Variants in PRKCSH observed in about 807,000 individuals in gnomAD.
PRKCSH encodes PRKCSH beta subunit of glucosidase II, also known as glucosidase 2 subunit beta.
Under a neutral mutation model 79.7 loss-of-function variants are expected in PRKCSH, and 42 were observed. The observed-to-expected ratio is 0.53, with a 90% confidence interval of 0.41 to 0.68. PRKCSH has a LOEUF of 0.68. PRKCSH is among the 30% of genes least tolerant of loss of function. The pLI, the probability that PRKCSH is intolerant of heterozygous loss-of-function variation, is 0.00. For missense variants in PRKCSH, 686 were observed against 709.0 expected, an observed-to-expected ratio of 0.97 and a Z score of 0.37; for synonymous variants, 325 against 288.2, an observed-to-expected ratio of 1.13 and a Z score of -1.29.
intron 1 of PRKCSH, 136 bp downstream of exon 1, chr19:11,435,842 C>G: frequency 1.6e-6 from 2 of 1,241,040 alleles, no homozygotes; most frequent in South Asian, 1.4e-5. Context: ...CAATTGGGCA[C>G]AGGGAGCGGA....
intron 8 of PRKCSH, 86 bp downstream of exon 8, chr19:11,445,559 A>G: frequency 7.4e-7 from 1 of 1,356,470 alleles, no homozygotes. Context: ...AACCAGCCAG[A>G]TCCTCCTTGG....
At chr19:11,442,235 A>G (rs755401838) in intron 6 of PRKCSH, 151 bp from the exon 7 acceptor site, 10 of 1,163,712 alleles carry the variant, frequency 8.6e-6, no homozygotes, top group Non-Finnish European at 1.2e-5. Flanking sequence ...CCAGAGGGCT[A>G]CAGGGAACCC....
chr19:11,444,227 T>G (rs771112146), intron 7 of PRKCSH, among the ~76,000 whole-genome samples: 1 of 152,194 alleles, frequency 6.6e-6, no homozygotes, highest in Non-Finnish European at 1.5e-5. Flanking sequence ...TTCCTTTCAC[T>G]TGGGTCTGGG....
chr19:11,436,410 C>G lies in PRKCSH; in HGVS notation c.101C>G (p.Ser34Cys). 6.2e-7 allele frequency: 1 copy of G among 1,614,190 alleles called. No individual in the cohort carries two copies. Among genetic ancestry groups the G allele is most frequent in the Non-Finnish European group, 8.5e-7 (1 of 1,180,036 alleles). The change falls in exon 3 of 18, where the codon TCC (serine) becomes TGC (cysteine). Residue 34 changes from serine to cysteine, a missense_variant. This residue lies in a region of PRKCSH where 549 missense variants were observed against 520.2 expected (regional missense o/e 1.06). Transcript: ENST00000677123. ...GCAGATCATCACTTCTACGATGAGT[C>G]CAAGCCTTTCACCTGCCTGGACGGT... is the stretch of plus-strand genomic sequence containing the variant. ...SLTNHHFYDE[S>C]KPFTCLDGSA...
In PRKCSH at chr19:11,449,532, T is replaced by C. The variant is rs755000; in HGVS notation, c.*16+104T>C. 5 of 1,471,730 alleles carry C rather than the reference T, an allele frequency of 3.4e-6. No homozygotes were observed. The highest frequency in any genetic ancestry group is 4.7e-6 in the Non-Finnish European group (5 of 1,069,704). The allele number at this position is 1,471,730 out of a possible 1,614,324, so 91.2% of individuals were successfully genotyped here. On this transcript the variant is annotated intron_variant, in intron 17 of 17. Transcript: ENST00000677123. The surrounding 1 kb of genome is among the most constrained non-coding windows in gnomAD (Gnocchi z 6.4). ...GCCACTCTATCAACCTGTGTCCCCA[T>C]GTTCCCTGCTTTTTTGTTTTGTTTT...
In PRKCSH at chr19:11,447,785, C is replaced by A; in HGVS notation, c.1122C>A (p.Ile374=). Residue 374 remains isoleucine, a synonymous_variant, in exon 12 of 18, where the codon ATC becomes ATA. Coordinates refer to ENST00000677123, the MANE Select transcript of PRKCSH (RefSeq NM_001289104.2). The surrounding 1 kb of genome is among the most constrained non-coding windows in gnomAD (Gnocchi z 5.6). Reference sequence around the variant, plus strand: ...ACGACGAGCAGACGCAGGCCTTCATCGATGGTGAGGGTGGGCGGGGGCCAG... The same window carrying A: ...ACGACGAGCAGACGCAGGCCTTCATAGATGGTGAGGGTGGGCGGGGGCCAG... ...PPYDEQTQAF[I]DAAQEARNKF... 1 of 1,574,234 alleles carries A rather than the reference C, an allele frequency of 6.4e-7. No homozygotes were observed.
At chr19:11,446,599 TC>T (rs1402134155) in intron 9 of PRKCSH, among the ~76,000 whole-genome samples, 1 of 95,982 alleles carries the variant, frequency 1.0e-5, no homozygotes, top group East Asian at 2.9e-4. Context: ...ATCCCCTTCC[TC>T]CCCCACCCCT....
intron 9 of PRKCSH, 126 bp from the exon 10 acceptor site, chr19:11,446,948 C>G: frequency 1.0e-6 from 1 of 996,398 alleles, no homozygotes; most frequent in South Asian, 1.3e-5. Context: ...TGGCGTGGCC[C>G]TGGCCTGGTC....
At position 11,445,403 on chromosome 19, in the gene PRKCSH, G is replaced by C; in HGVS notation, c.613G>C (p.Ala205Pro). 2 of 1,613,926 alleles carry C rather than the reference G, an allele frequency of 1.2e-6. No homozygotes were observed. The highest frequency in any genetic ancestry group is 2.2e-5 in the South Asian group (2 of 91,088). ...QKLWEEQLAA[A>P]KAQQEQELAA... ...CTTCTTTACAGAGCAGCTGGCTGCT[G>C]CCAAGGCCCAACAGGAGCAGGAGCT... The change falls in exon 8 of 18, where the codon GCC becomes CCC. Residue 205 changes from alanine to proline, a missense_variant. Around this residue, in one of 2 missense-constraint regions of PRKCSH, gnomAD observed 549 missense variants for 520.2 expected, o/e 1.06. Coordinates refer to ENST00000677123, the MANE Select transcript of PRKCSH (RefSeq NM_001289104.2).
Position 11,448,173 on chromosome 19 carries a change from C to A in PRKCSH, c.1127-49C>A. The A allele has an allele frequency of 6.5e-7, 1 of 1,527,476 alleles. No homozygotes were observed. The highest frequency in any genetic ancestry group is 1.2e-5 in the South Asian group (1 of 83,456). The allele number at this position is 1,527,476 out of a possible 1,614,324, so 94.6% of individuals were successfully genotyped here. On this transcript the variant is annotated intron_variant, in intron 12 of 17. Transcript: ENST00000677123. This position sits in a 1 kb window ranked among gnomAD's most constrained non-coding sequence, Gnocchi z 4.4. ...ACATCCATGGAACCCCGTTCCCCATCCTCCTGGATGGGGTTGAGGACATCT... is the reference window on the plus strand; with the variant it reads ...ACATCCATGGAACCCCGTTCCCCATACTCCTGGATGGGGTTGAGGACATCT...
intron 1 of PRKCSH, 138 bp from the exon 2 acceptor site, chr19:11,435,903 G>T: frequency 1.1e-6 from 1 of 932,932 alleles, no homozygotes; most frequent in Non-Finnish European, 1.6e-6. Context: ...AGTGAGACTG[G>T]CCAGGATTGG....
At chr19:11,438,787 CAGA>C (rs983241185) in intron 5 of PRKCSH, among the ~76,000 whole-genome samples, 7 of 150,130 alleles carry the variant, frequency 4.7e-5, no homozygotes, top group Admixed American at 6.6e-5. Flanking sequence ...AAGCATACAA[CAGA>C]AGGAGGCCAA....
rs780202665 is a variant in PRKCSH, at chr19:11,445,501, A to G, written c.683+28A>G. On this transcript the variant is annotated intron_variant, in intron 8 of 17. Coordinates refer to ENST00000677123, the MANE Select transcript of PRKCSH (RefSeq NM_001289104.2). ...GAGTGTCCCCTAGTTGGAGCTGCCC[A>G]CCTTTCCGTGGGCCTGGGTTTCCCT... The G allele has an allele frequency of 1.9e-5, 31 of 1,607,192 alleles. No homozygotes were observed. The South Asian group carries it at 3.0e-4, about 15-fold the overall frequency.
At chr19:11,440,775 A>T (rs1398724766) in intron 5 of PRKCSH, among the ~76,000 whole-genome samples, 1 of 151,880 alleles carries the variant, frequency 6.6e-6, no homozygotes, top group East Asian at 1.9e-4. Context: ...TAGTAACCAG[A>T]TTGTCTTTTT....
Position 11,447,343 on chromosome 19 carries a change from C to G in PRKCSH, c.850-96C>G. On this transcript the variant is annotated intron_variant, in intron 10 of 17. Transcript: ENST00000677123. The surrounding 1 kb of genome is among the most constrained non-coding windows in gnomAD (Gnocchi z 5.6). Reference sequence around the variant, plus strand: ...CTCCCTGCAGGCCCCGCAGGAGGGGCAGAGACACCGAGGCTGCCCCTTGGG... The same window carrying G: ...CTCCCTGCAGGCCCCGCAGGAGGGGGAGAGACACCGAGGCTGCCCCTTGGG... The G allele has an allele frequency of 1.4e-6, 2 of 1,433,818 alleles. No homozygotes were observed. Among genetic ancestry groups the G allele is most frequent in the African/African-American group, 2.8e-5 (2 of 71,338 alleles). 88.8% of individuals were successfully genotyped at this position (1,433,818 alleles called of 1,614,324 possible).
At position 11,448,044 on chromosome 19, in the gene PRKCSH, G is replaced by A; in HGVS notation, c.1127-178G>A. The stretch of plus-strand genomic sequence containing the variant: ...GGCCCCACTCGCTCAGGAGCTGGGA[G>A]CCTGGGCAGCAAGTCGGGGCTGCTC... On this transcript the variant is annotated intron_variant, in intron 12 of 17. Coordinates refer to ENST00000677123, the MANE Select transcript of PRKCSH (RefSeq NM_001289104.2). This position sits in a 1 kb window ranked among gnomAD's most constrained non-coding sequence, Gnocchi z 4.4. The A allele has an allele frequency of 1.3e-6, 1 of 782,930 alleles. No individual in the cohort carries two copies. Among genetic ancestry groups the A allele is most frequent in the South Asian group, 1.7e-5 (1 of 59,228 alleles). 48.5% of individuals were successfully genotyped at this position (782,930 alleles called of 1,614,324 possible).
chr19:11,438,167 C>G (rs753980590), intron 5 of PRKCSH, 43 bp downstream of exon 5: 27 of 1,603,896 alleles, frequency 1.7e-5, no homozygotes, highest in Middle Eastern at 1.8e-4. Context: ...CACCCCAAGA[C>G]TTTGCCTGGC....
intron 3 of PRKCSH, 42 bp downstream of exon 3, chr19:11,436,547 A>G (rs1969756235): frequency 6.8e-7 from 1 of 1,462,410 alleles, no homozygotes; most frequent in Non-Finnish European, 9.5e-7. Context: ...TTTATTGAAC[A>G]CTGCTCAGTG....
chr19:11,446,768 T>C (rs539316917), intron 9 of PRKCSH, among the ~76,000 whole-genome samples: 44 of 152,208 alleles, frequency 2.9e-4, no homozygotes, highest in African/African-American at 1.0e-3. Context: ...GGCCTCTCCC[T>C]TGGAGGGCCT....
Sources: gnomAD v4.1 joint callset for allele counts (sites outside exome capture counted in the v4.1 genomes callset) on GRCh38, gnomAD v4.1.1 for gene constraint, gnomAD v4.1.1 regional missense constraint, Gnocchi (gnomAD v3.1) non-coding constraint, MANE v1.5 for transcripts, NCBI Gene and HGNC (gene_info 2026-07-23, HGNC 2026-07-21) for gene names.